The following MED30 variants were observed in gnomAD, a reference collection of about 807,000 sequenced individuals.
The protein encoded by MED30 is mediator of RNA polymerase II transcription subunit 30.
Under a neutral mutation model 21.7 loss-of-function variants are expected in MED30, and 8 were observed. The ratio of observed to expected loss-of-function variants is 0.37; its 90% confidence interval spans 0.22 to 0.67. The LOEUF (loss-of-function observed/expected upper bound fraction) is 0.67, where lower values mean the gene tolerates loss of function less well. Ranked by LOEUF, MED30 falls within the 30% of genes least tolerant of loss-of-function variation. The pLI is 0.58. For missense variants in MED30, 203 were observed against 228.2 expected (o/e 0.89, Z 0.71); for synonymous variants, 79 against 86.7 (o/e 0.91, Z 0.49).
rs146073915 is a variant in MED30, at chr8:117,536,844, T to C, written c.442-3039T>C. Among the ~76,000 whole-genome samples, 152 of 152,334 alleles carry C rather than the reference T, an allele frequency of 1.0e-3. 1 individual carries two copies. Among genetic ancestry groups the C allele is most frequent in the African/African-American group, 3.3e-3 (139 of 41,562 alleles). Reference sequence around the variant, plus strand: ...AATCTTTTGGCTTCCCTGGGCCACATTGTAAGAAGAAGAATTGTTTTGGGC... The same window carrying C: ...AATCTTTTGGCTTCCCTGGGCCACACTGTAAGAAGAAGAATTGTTTTGGGC... On this transcript the variant is annotated intron_variant, in intron 3 of 3. Transcript: ENST00000297347.
chr8:117,537,750 C>G (rs370461918), intron 3 of MED30, among the ~76,000 whole-genome samples: 2 of 151,998 alleles, frequency 1.3e-5, no homozygotes, highest in Admixed American at 1.3e-4. Context: ...TTGTGATAGC[C>G]AGCTGCAAGC....
intron 1 of MED30, among the ~76,000 whole-genome samples, chr8:117,522,063 T>C (rs568779076): frequency 3.3e-5 from 5 of 152,192 alleles, no homozygotes; most frequent in Non-Finnish European, 7.4e-5. Context: ...AGGGTTCTAG[T>C]TTCTCCTCAT....
At chr8:117,522,635 C>CTT (rs1294940654) in intron 1 of MED30, among the ~76,000 whole-genome samples, 1 of 139,612 alleles carries the variant, frequency 7.2e-6, no homozygotes, top group African/African-American at 2.6e-5. Context: ...TGTTTTATTG[C>CTT]TTTTTTTTTT....
chr8:117,526,890 A>G (rs1818727120), intron 1 of MED30, among the ~76,000 whole-genome samples: 1 of 152,002 alleles, frequency 6.6e-6, no homozygotes, highest in African/African-American at 2.4e-5. Flanking sequence ...TCTTTATGAC[A>G]GTATTTATCA....
At chr8:117,535,870 G>A (rs1256604495) in intron 3 of MED30, among the ~76,000 whole-genome samples, 1 of 151,484 alleles carries the variant, frequency 6.6e-6, no homozygotes, top group East Asian at 1.9e-4. Flanking sequence ...ATGGTATGGA[G>A]TATAAAATGC....
chr8:117,533,626 T>TTAAC (rs1818822061), intron 3 of MED30, among the ~76,000 whole-genome samples: 1 of 69,314 alleles, frequency 1.4e-5, no homozygotes, highest in African/African-American at 4.3e-5. Flanking sequence ...TCTTACCTCT[T>TTAAC]TAATTTTCTA....
At chr8:117,537,573 G>A (rs1818901834) in intron 3 of MED30, among the ~76,000 whole-genome samples, 2 of 151,960 alleles carry the variant, frequency 1.3e-5, no homozygotes, top group African/African-American at 2.4e-5. Context: ...CTATTCCCCA[G>A]TGTTGAATAT....
In MED30 at chr8:117,530,832, G is replaced by A. The variant is rs553005982; in HGVS notation, c.441+5G>A. The A allele has an allele frequency of 6.3e-7, 1 of 1,596,868 alleles. No homozygotes were observed. Among genetic ancestry groups the A allele is most frequent in the South Asian group, 1.1e-5 (1 of 89,526 alleles). ...GAAATTGCTGAAGTAAATAAAGTGA[G>A]TTGTTAGTTTTTACATTTTATGTTT... is the stretch of plus-strand genomic sequence containing the variant. On this transcript the variant is annotated splice_donor_5th_base_variant and intron_variant, in intron 3 of 3. Transcript: ENST00000297347.
intron 1 of MED30, chr8:117,523,530 C>G: frequency 1.3e-6 from 2 of 1,598,856 alleles, no homozygotes; most frequent in South Asian, 1.1e-5. Context: ...CACAGAGATA[C>G]TGGATACCCT....
chr8:117,534,183 G>T (rs533404212), intron 3 of MED30, among the ~76,000 whole-genome samples: 2 of 151,906 alleles, frequency 1.3e-5, no homozygotes, highest in East Asian at 3.9e-4. Flanking sequence ...GCGTATTCTC[G>T]GTGGCATCCC....
At chr8:117,525,966 G>C (rs1485117264) in intron 1 of MED30, among the ~76,000 whole-genome samples, 1 of 152,046 alleles carries the variant, frequency 6.6e-6, no homozygotes, top group Non-Finnish European at 1.5e-5. Flanking sequence ...GGCCTAGAAA[G>C]ACTTGACATC....
chr8:117,520,770 G>A lies in MED30; in HGVS notation c.-107G>A. The A allele has an allele frequency of 8.8e-7, 1 of 1,140,986 alleles. No homozygotes were observed. The highest frequency in any genetic ancestry group is 1.6e-5 in the African/African-American group (1 of 61,798). The allele number at this position is 1,140,986 out of a possible 1,614,324, so 70.7% of individuals were successfully genotyped here. On this transcript the variant is annotated 5_prime_UTR_variant, in exon 1 of 4. Coordinates refer to ENST00000297347, the MANE Select transcript of MED30 (RefSeq NM_080651.4). ...GCTGTTTTGAAATCGGGCCGCGGGG[G>A]GTCTCTCAAGCTGGTTCCAACGCTG... is the stretch of plus-strand genomic sequence containing the variant.
At chr8:117,521,569 G>A (rs2130807314) in intron 1 of MED30, among the ~76,000 whole-genome samples, 1 of 152,238 alleles carries the variant, frequency 6.6e-6, no homozygotes, top group East Asian at 1.9e-4. Context: ...CATCATCCCA[G>A]AAAGTTTCTT....
At chr8:117,536,634 T>A (rs1818882913) in intron 3 of MED30, among the ~76,000 whole-genome samples, 1 of 152,246 alleles carries the variant, frequency 6.6e-6, no homozygotes. Flanking sequence ...TTGAGGCACA[T>A]GATTTGTAGT....
chr8:117,534,850 G>GTTTTTTT (rs3040827), intron 3 of MED30, among the ~76,000 whole-genome samples: 44,017 of 119,214 alleles, frequency 0.37, 8,511 homozygotes, highest in Non-Finnish European at 0.47. Context: ...CAAACAAATT[G>GTTTTTTT]TTTTTTTTTT....
intron 3 of MED30, among the ~76,000 whole-genome samples, chr8:117,535,090 C>T (rs1818853438): frequency 1.3e-5 from 2 of 151,808 alleles, no homozygotes; most frequent in African/African-American, 4.8e-5. Context: ...TCTCCTGGAC[C>T]CACCTACATA....
chr8:117,531,316 C>T (rs976797974), intron 3 of MED30, among the ~76,000 whole-genome samples: 7 of 151,982 alleles, frequency 4.6e-5, no homozygotes, highest in African/African-American at 1.7e-4. Context: ...AAATAGTTCT[C>T]GTGAAACAGA....
intron 3 of MED30, among the ~76,000 whole-genome samples, chr8:117,537,066 G>A (rs774945806): frequency 1.3e-5 from 2 of 152,178 alleles, no homozygotes; most frequent in African/African-American, 2.4e-5. Flanking sequence ...GTTTTATTTT[G>A]CTTAACGCTC....
intron 1 of MED30, chr8:117,523,358 C>G: frequency 2.0e-6 from 3 of 1,525,178 alleles, no homozygotes; most frequent in Non-Finnish European, 2.7e-6. Context: ...TTGTCGGCAC[C>G]AGGGGGCACA....
Sources: gnomAD v4.1 joint callset for allele counts (sites outside exome capture counted in the v4.1 genomes callset) on GRCh38, gnomAD v4.1.1 for gene constraint, MANE v1.5 for transcripts, NCBI Gene and HGNC (gene_info 2026-07-23, HGNC 2026-07-21) for gene names.